The following KIAA1958 variants were observed in gnomAD, a reference collection of about 807,000 sequenced individuals.
The protein encoded by KIAA1958 is KIAA1958.
A neutral mutation model predicts 47.2 loss-of-function variants in KIAA1958; 14 were observed. The observed-to-expected ratio is 0.30, with a 90% confidence interval of 0.20 to 0.46. KIAA1958 has a LOEUF of 0.46. Among genes scored for constraint, KIAA1958 ranks in the 20% least tolerant of loss-of-function variants. The pLI is 1.00. For missense variants in KIAA1958, 803 were observed against 909.2 expected (o/e 0.88, Z 1.50); for synonymous variants, 354 against 353.3 (o/e 1.00, Z -0.02).
At chr9:112,541,282 G>T (rs1834937601) in intron 1 of KIAA1958, among the ~76,000 whole-genome samples, 1 of 151,670 alleles carries the variant, frequency 6.6e-6, no homozygotes, top group South Asian at 2.1e-4. Context: ...TATTGATTGG[G>T]TTAAGGACAT....
intron 2 of KIAA1958, among the ~76,000 whole-genome samples, chr9:112,621,734 G>A (rs1423433849): frequency 6.6e-6 from 1 of 150,986 alleles, no homozygotes; most frequent in African/African-American, 2.4e-5. Context: ...CCAAATTACA[G>A]TATCAGTCTT....
At chr9:112,645,074 G>T (rs1478253121) in intron 2 of KIAA1958, among the ~76,000 whole-genome samples, 2 of 151,372 alleles carry the variant, frequency 1.3e-5, no homozygotes, top group Non-Finnish European at 2.9e-5. Flanking sequence ...GGCGGAGGTT[G>T]CAGTGAGCCA....
chr9:112,531,008 A>G (rs902849721), intron 1 of KIAA1958, among the ~76,000 whole-genome samples: 5 of 152,268 alleles, frequency 3.3e-5, no homozygotes, highest in Non-Finnish European at 7.3e-5. Flanking sequence ...TGATGAAATG[A>G]CATATAGCAT....
At chr9:112,628,485 T>A (rs1210070385) in intron 2 of KIAA1958, among the ~76,000 whole-genome samples, 1 of 152,228 alleles carries the variant, frequency 6.6e-6, no homozygotes, top group Non-Finnish European at 1.5e-5. Flanking sequence ...TAATTATGTG[T>A]GGTCTAAAGA....
At chr9:112,632,311 C>T (rs569672888) in intron 2 of KIAA1958, among the ~76,000 whole-genome samples, 5 of 152,112 alleles carry the variant, frequency 3.3e-5, no homozygotes, top group Admixed American at 2.6e-4. Flanking sequence ...AAGGGTAACA[C>T]AATTTTTAAT....
chr9:112,594,690 A>C (rs1213137640), intron 2 of KIAA1958, among the ~76,000 whole-genome samples: 1 of 152,246 alleles, frequency 6.6e-6, no homozygotes, highest in African/African-American at 2.4e-5. Flanking sequence ...TGCTATGAAT[A>C]GTCATATACA....
At chr9:112,595,566 G>A (rs1836006920) in intron 2 of KIAA1958, among the ~76,000 whole-genome samples, 1 of 151,674 alleles carries the variant, frequency 6.6e-6, no homozygotes, top group Non-Finnish European at 1.5e-5. Context: ...GTGGGGTGGG[G>A]GTAGGCGGAG....
chr9:112,602,871 T>G (rs1194307883), intron 2 of KIAA1958, among the ~76,000 whole-genome samples: 1 of 152,184 alleles, frequency 6.6e-6, no homozygotes, highest in African/African-American at 2.4e-5. Flanking sequence ...TTTTTAATGC[T>G]TTCTAAATAC....
Position 112,660,146 on chromosome 9 carries a change from G to C in KIAA1958, c.*77G>C. On this transcript the variant is annotated 3_prime_UTR_variant, in exon 4 of 4. Transcript: ENST00000337530. ...GTTGGAGCAGCTGGAGCTCCTTGGA[G>C]GCAGGGGCTGACCAGGTGTGACCTC... The C allele has an allele frequency of 7.4e-7, 1 of 1,348,184 alleles. No individual in the cohort carries two copies. The highest frequency in any genetic ancestry group is 1.0e-6 in the Non-Finnish European group (1 of 967,886). The allele number at this position is 1,348,184 out of a possible 1,614,324, so 83.5% of individuals were successfully genotyped here.
intron 2 of KIAA1958, among the ~76,000 whole-genome samples, chr9:112,610,859 A>G (rs375706619): frequency 1.1e-4 from 17 of 152,366 alleles, no homozygotes; most frequent in African/African-American, 4.1e-4. Flanking sequence ...AAGTATTAAC[A>G]TGCAGAATTC....
chr9:112,501,193 CTT>C (rs1179309903), intron 1 of KIAA1958, among the ~76,000 whole-genome samples: 1 of 150,466 alleles, frequency 6.6e-6, no homozygotes, highest in East Asian at 2.0e-4. Flanking sequence ...AAGGAGCACA[CTT>C]TGGGAGGCTG....
chr9:112,633,336 A>G (rs761405712), intron 2 of KIAA1958, among the ~76,000 whole-genome samples: 10 of 152,106 alleles, frequency 6.6e-5, no homozygotes, highest in Non-Finnish European at 1.3e-4. Context: ...TTTAATTAGA[A>G]TTACATTTAC....
At chr9:112,543,996 A>G (rs564075045) in intron 1 of KIAA1958, among the ~76,000 whole-genome samples, 1 of 152,106 alleles carries the variant, frequency 6.6e-6, no homozygotes, top group South Asian at 2.1e-4. Flanking sequence ...TTTTATTTGT[A>G]TTGCTATTTT....
At chr9:112,507,157 T>C (rs1213964632) in intron 1 of KIAA1958, among the ~76,000 whole-genome samples, 1 of 152,148 alleles carries the variant, frequency 6.6e-6, no homozygotes, top group African/African-American at 2.4e-5. Context: ...ATTGTGACAC[T>C]GAATTTGCCT....
intron 1 of KIAA1958, among the ~76,000 whole-genome samples, chr9:112,505,350 C>T (rs974064457): frequency 6.6e-6 from 1 of 152,058 alleles, no homozygotes; most frequent in Admixed American, 6.5e-5. Flanking sequence ...TTAGTTTCCG[C>T]GTTTATAAAA....
At chr9:112,580,186 ATTCT>A (rs944906701) in intron 2 of KIAA1958, among the ~76,000 whole-genome samples, 11 of 152,190 alleles carry the variant, frequency 7.2e-5, no homozygotes, top group Admixed American at 3.9e-4. Context: ...GGGTGGAAGT[ATTCT>A]TCCAAGAACA....
chr9:112,569,714 G>A (rs759661653), intron 1 of KIAA1958, among the ~76,000 whole-genome samples: 4 of 151,656 alleles, frequency 2.6e-5, no homozygotes, highest in Non-Finnish European at 5.9e-5. Context: ...TCCGCCTCCC[G>A]GGTTCAAATG....
intron 1 of KIAA1958, among the ~76,000 whole-genome samples, chr9:112,536,561 C>G (rs1456150222): frequency 2.6e-5 from 4 of 152,000 alleles, no homozygotes; most frequent in Non-Finnish European, 4.4e-5. Flanking sequence ...AGAAACAGAC[C>G]CACACATCTA....
Position 112,659,817 on chromosome 9 carries a change from C to T in KIAA1958, c.1899C>T (p.Leu633=). The change falls in exon 4 of 4, where the codon CTC becomes CTT. Residue 633 remains leucine, a synonymous_variant. Coordinates refer to ENST00000337530, the MANE Select transcript of KIAA1958 (RefSeq NM_133465.4). ...ACAAACAGTGCCCTTACTGCCTCCT[C>T]TACAAGTACATGTACATCCACCGGC... ...RGHKQCPYCL[L]YKYMYIHRPP... 2 of 1,614,204 alleles carry T rather than the reference C, an allele frequency of 1.2e-6. No individual in the cohort carries two copies. Among genetic ancestry groups the T allele is most frequent in the Non-Finnish European group, 1.7e-6 (2 of 1,180,034 alleles).
Sources: gnomAD v4.1 joint callset for allele counts (sites outside exome capture counted in the v4.1 genomes callset) on GRCh38, gnomAD v4.1.1 for gene constraint, MANE v1.5 for transcripts, NCBI Gene and HGNC (gene_info 2026-07-23, HGNC 2026-07-21) for gene names.